AFAP1: variants seen among roughly 807,000 people sequenced by gnomAD.
AFAP1 encodes actin filament-associated protein 1.
A neutral mutation model predicts 93.9 loss-of-function variants in AFAP1; 75 were observed. That is an observed-to-expected ratio of 0.80 (90% CI 0.66 to 0.97). The LOEUF is 0.97. AFAP1 is among the 50% of genes least tolerant of loss of function. The probability of loss-of-function intolerance (pLI) is 0.00; values close to 1 mark genes in which losing one functional copy is unlikely to be tolerated. For synonymous variants in AFAP1, 517 were observed against 430.7 expected (o/e 1.20, Z -2.48); for missense variants, 1,201 against 1,050.8 (o/e 1.14, Z -1.98).
At chr4:7,796,880 T>C (rs1341618826) in intron 10 of AFAP1, among the ~76,000 whole-genome samples, 1 of 146,826 alleles carries the variant, frequency 6.8e-6, no homozygotes, top group Non-Finnish European at 1.5e-5. Context: ...GCTAACATGG[T>C]GAAACCCCGT....
intron 6 of AFAP1, among the ~76,000 whole-genome samples, chr4:7,819,453 T>G (rs1429588751): frequency 6.6e-6 from 1 of 152,150 alleles, no homozygotes; most frequent in Non-Finnish European, 1.5e-5. Flanking sequence ...TTTATCGCCA[T>G]GAACAATAAG....
chr4:7,902,325 A>C (rs1719163295), intron 1 of AFAP1, among the ~76,000 whole-genome samples: 1 of 152,192 alleles, frequency 6.6e-6, no homozygotes, highest in African/African-American at 2.4e-5. Flanking sequence ...ATGCAAATTT[A>C]AAATTAATAA....
At chr4:7,817,322 GACAGGT>G in intron 7 of AFAP1, among the ~76,000 whole-genome samples, 1 of 152,292 alleles carries the variant, frequency 6.6e-6, no homozygotes, top group East Asian at 1.9e-4. Flanking sequence ...GACAAAACAG[GACAGGT>G]ACGGTGGCTC....
rs150252232 is a variant in AFAP1, at chr4:7,798,709, G to A, written c.1266+1733C>T. ...AAGCACCTTCCTCAGTGGTCCAAGCGTTTGTGAAGGTATGAAATGCTACCA... is the reference window on the plus strand; with the variant it reads ...AAGCACCTTCCTCAGTGGTCCAAGCATTTGTGAAGGTATGAAATGCTACCA... On this transcript the variant is annotated intron_variant, in intron 10 of 17. Transcript: ENST00000420658. Among the ~76,000 whole-genome samples the A allele has an allele frequency of 5.6e-4, 85 of 152,260 alleles. No homozygotes were observed. The East Asian group carries it at 0.011, about 20-fold the overall frequency.
intron 1 of AFAP1, among the ~76,000 whole-genome samples, chr4:7,926,291 ACT>A (rs1383061342): frequency 4.6e-5 from 7 of 152,180 alleles, no homozygotes; most frequent in African/African-American, 1.7e-4. Flanking sequence ...ATAATATCTA[ACT>A]CTCTTAAGCC....
At chr4:7,819,266 G>A (rs952738156) in intron 6 of AFAP1, 95 bp from the exon 7 acceptor site, 1 of 1,146,078 alleles carries the variant, frequency 8.7e-7, no homozygotes, top group Non-Finnish European at 1.2e-6. Flanking sequence ...ACATGGCGTG[G>A]TAGGGAAATT....
rs959854159 is a variant in AFAP1 at position 7,759,414 on chromosome 4, G to A, written c.*4351C>T. The A allele has an allele frequency of 5.2e-5, 8 of 152,600 alleles. No individual in the cohort carries two copies. The highest frequency in any genetic ancestry group is 9.7e-5 in the African/African-American group (4 of 41,438). 9.5% of individuals were successfully genotyped at this position (152,600 alleles called of 1,614,324 possible). A position where few individuals can be genotyped will look rare whatever the true frequency, so the allele number is the denominator to read the frequency against. ...GTGCAGTTTCCCTTCTTTTACAGAC[G>A]CCCTGCTATGGCTTGGGGACTCACG... is the stretch of plus-strand genomic sequence containing the variant. On this transcript the variant is annotated 3_prime_UTR_variant, in exon 18 of 18. Transcript: ENST00000420658.
At chr4:7,783,810 C>T (rs1267249544) in intron 12 of AFAP1, among the ~76,000 whole-genome samples, 2 of 152,166 alleles carry the variant, frequency 1.3e-5, no homozygotes, top group African/African-American at 4.8e-5. Flanking sequence ...GTCACAGGTT[C>T]GTGTGTAAGG....
rs1713912967 is a variant in AFAP1, at chr4:7,762,234, G to C, written c.*1531C>G. The C allele has an allele frequency of 6.6e-6, 1 of 152,276 alleles. No homozygotes were observed. Among genetic ancestry groups the C allele is most frequent in the Non-Finnish European group, 1.5e-5 (1 of 68,070 alleles). 9.4% of individuals were successfully genotyped at this position (152,276 alleles called of 1,614,324 possible). ...GCACCACACAGCTAGCGCTCTGAAA[G>C]TATGTCTGGGGGAAACCCAAGGAGT... On this transcript the variant is annotated 3_prime_UTR_variant, in exon 18 of 18. Transcript: ENST00000420658.
Position 7,795,364 on chromosome 4 carries a change from G to T in AFAP1, c.1267-1538C>A, listed in dbSNP as rs562871707. On this transcript the variant is annotated intron_variant, in intron 10 of 17. Transcript: ENST00000420658. ...GATTAAAACAAAAAAAACCACAAAT[G>T]TGTTCTCTTCACAGGTCTTATGTCC... is the stretch of plus-strand genomic sequence containing the variant. 1.7e-4 allele frequency among the ~76,000 whole-genome samples: 22 copies of T among 130,228 alleles called. No homozygotes were observed. The East Asian group carries it at 4.1e-3, about 24-fold the overall frequency. 85.4% of individuals were successfully genotyped at this position (130,228 alleles called of 152,430 possible).
At chr4:7,852,406 AAGTGGCTCCTGC>A (rs1183715765) in intron 4 of AFAP1, among the ~76,000 whole-genome samples, 3 of 152,288 alleles carry the variant, frequency 2.0e-5, no homozygotes, top group South Asian at 4.2e-4. Flanking sequence ...ACAGGCAAAG[AAGTGGCTCCTGC>A]AGTGGCTGAG....
At chr4:7,788,749 G>C (rs764924915) in intron 11 of AFAP1, 9 of 152,114 alleles carry the variant, frequency 5.9e-5, no homozygotes, top group African/African-American at 1.5e-4. Flanking sequence ...GTCAGCGAGA[G>C]GCAGTAAATG....
intron 1 of AFAP1, among the ~76,000 whole-genome samples, chr4:7,907,646 G>A (rs892403025): frequency 3.3e-5 from 5 of 152,082 alleles, no homozygotes; most frequent in African/African-American, 4.8e-5. Flanking sequence ...CTGACGTGAC[G>A]CCCAATGAAA....
intron 11 of AFAP1, among the ~76,000 whole-genome samples, chr4:7,786,639 T>C (rs756919455): frequency 6.8e-6 from 1 of 147,386 alleles, no homozygotes; most frequent in South Asian, 2.1e-4. Context: ...GCCCCAACGC[T>C]AGGTACACGC....
At chr4:7,899,379 T>A (rs1338967795) in intron 1 of AFAP1, among the ~76,000 whole-genome samples, 1 of 152,174 alleles carries the variant, frequency 6.6e-6, no homozygotes, top group Non-Finnish European at 1.5e-5. Context: ...GCTGGGTGAA[T>A]GACGAGTTAA....
intron 4 of AFAP1, among the ~76,000 whole-genome samples, chr4:7,845,873 G>A (rs978410433): frequency 8.6e-6 from 1 of 115,918 alleles, no homozygotes; most frequent in Non-Finnish European, 1.7e-5. Flanking sequence ...TCTGCTGGAC[G>A]GCACAGGGGT....
chr4:7,783,293 C>T (rs756416562), intron 12 of AFAP1, among the ~76,000 whole-genome samples: 4 of 152,182 alleles, frequency 2.6e-5, no homozygotes, highest in Non-Finnish European at 4.4e-5. Context: ...ATACCCACCA[C>T]CATGCCCGGC....
intron 1 of AFAP1, among the ~76,000 whole-genome samples, chr4:7,915,729 G>A (rs1184705722): frequency 6.6e-6 from 1 of 152,220 alleles, no homozygotes; most frequent in Non-Finnish European, 1.5e-5. Context: ...AGGACTGAAA[G>A]GAGAACCCCC....
chr4:7,792,683 C>T (rs1717990727), intron 11 of AFAP1, among the ~76,000 whole-genome samples: 1 of 152,202 alleles, frequency 6.6e-6, no homozygotes, highest in Admixed American at 6.5e-5. Context: ...TCATTGGACA[C>T]ACCTGCATGC....
Sources: allele counts gnomAD v4.1 joint callset (sites outside exome capture counted in the v4.1 genomes callset), GRCh38; gene constraint gnomAD v4.1.1; transcripts MANE v1.5; gene names NCBI Gene and HGNC (gene_info 2026-07-23, HGNC 2026-07-21).